FAAH2: variants seen among roughly 807,000 people sequenced by gnomAD.
FAAH2 encodes the protein fatty acid amide hydrolase 2.
Under a neutral mutation model 36.9 loss-of-function variants are expected in FAAH2, and 60 were observed. That is an observed-to-expected ratio of 1.63 (90% CI 1.32 to 2.02). FAAH2 has a LOEUF of 2.02. Ranked by LOEUF, FAAH2 falls within the 30% of genes most tolerant of loss-of-function variation. The pLI, the probability that FAAH2 is intolerant of heterozygous loss-of-function variation, is 0.00. For missense variants in FAAH2, 689 were observed against 397.5 expected (o/e 1.73, Z -6.23); for synonymous variants, 214 against 143.8 (o/e 1.49, Z -3.49).
rs778896764 is a variant in FAAH2 at position 57,464,438 on chromosome X, A to G, written c.1423+15720A>G. On this transcript the variant is annotated intron_variant, in intron 10 of 10. Coordinates refer to ENST00000374900, the MANE Select transcript of FAAH2 (RefSeq NM_174912.4). Reference sequence around the variant, plus strand: ...TAAAGAAAAATAAAAATAATTTTAAAAAGAAAGAAAACCTAGTAAATACTT... The same window carrying G: ...TAAAGAAAAATAAAAATAATTTTAAGAAGAAAGAAAACCTAGTAAATACTT... 7.3e-5 allele frequency among the ~76,000 whole-genome samples: 8 copies of G among 109,864 alleles called. No homozygotes were observed. The South Asian group carries it at 2.0e-3, about 27-fold the overall frequency.
At chrX:57,452,103 C>G in intron 10 of FAAH2, 1 of 729,938 alleles carries the variant, frequency 1.4e-6, no homozygotes, top group African/African-American at 2.3e-5. Context: ...TGGCCTTTCA[C>G]TGGCTTTCTC....
intron 2 of FAAH2, among the ~76,000 whole-genome samples, chrX:57,306,761 ACT>A (rs1238302442): frequency 1.1e-5 from 1 of 94,496 alleles, no homozygotes; most frequent in African/African-American, 3.8e-5. Flanking sequence ...ATATGTATAC[ACT>A]ATATATATAC....
At chrX:57,282,910 G>A (rs2051766974), upstream of FAAH2, among the ~76,000 whole-genome samples, 1 of 112,287 alleles carries the variant, frequency 8.9e-6, no homozygotes, top group African/African-American at 3.2e-5. Context: ...ACCTTGTGGT[G>A]AGCTCATCTT....
At chrX:57,277,345 T>G in the FAAH2 span, among the ~76,000 whole-genome samples, 3 of 111,951 alleles carry the variant, frequency 2.7e-5, no homozygotes, top group East Asian at 5.6e-4. Context: ...TCTCAATAGT[T>G]GCAGAAATGG....
At chrX:57,192,159 G>C in the FAAH2 span, among the ~76,000 whole-genome samples, 1 of 110,997 alleles carries the variant, frequency 9.0e-6, no homozygotes, top group Non-Finnish European at 1.9e-5. Flanking sequence ...ATGTTTTGTA[G>C]TTTGCATTGT....
At chrX:57,479,472 G>A (rs2057336984) in intron 10 of FAAH2, among the ~76,000 whole-genome samples, 1 of 111,208 alleles carries the variant, frequency 9.0e-6, no homozygotes, top group South Asian at 3.8e-4. Flanking sequence ...CTAATTGAAT[G>A]CCCTTTTTTT....
intron 2 of FAAH2, among the ~76,000 whole-genome samples, chrX:57,295,067 C>T (rs754652907): frequency 8.9e-6 from 1 of 111,896 alleles, no homozygotes; most frequent in South Asian, 3.8e-4. Context: ...AAAGGAAATG[C>T]CTGCAGAGCT....
chrX:57,486,919 G>A (rs2057484050), intron 10 of FAAH2, among the ~76,000 whole-genome samples: 1 of 111,575 alleles, frequency 9.0e-6, no homozygotes, highest in African/African-American at 3.3e-5. Context: ...TTTATGTGAC[G>A]GGGACTGGAA....
chrX:57,424,476 G>A (rs192000782), intron 7 of FAAH2, among the ~76,000 whole-genome samples: 1 of 111,971 alleles, frequency 8.9e-6, no homozygotes, highest in East Asian at 2.8e-4. Context: ...CAAGCTTGAG[G>A]TATAGAGAAA....
intron 5 of FAAH2, among the ~76,000 whole-genome samples, chrX:57,353,113 G>T (rs2054068009): frequency 9.1e-6 from 1 of 109,608 alleles, no homozygotes; most frequent in African/African-American, 3.3e-5. Flanking sequence ...AAATTTATAT[G>T]GAACCAAAAA....
intron 3 of FAAH2, among the ~76,000 whole-genome samples, chrX:57,329,364 C>T (rs2053327793): frequency 9.0e-6 from 1 of 111,159 alleles, no homozygotes; most frequent in Admixed American, 9.6e-5. Context: ...TGTGGGCCCT[C>T]TATGCATGTT....
Position 57,331,676 on chromosome X carries a change from A to C in FAAH2, c.491A>C (p.Lys164Thr). ...GATGCCACTGTGGTGGCATTACTGA[A>C]GGGAGCTGGTGCCATTCCTCTTGGC... ...KTDATVVALL[K>T]GAGAIPLGIT... The change falls in exon 4 of 11, where the codon AAG (lysine) becomes ACG (threonine). Residue 164 changes from lysine (K) to threonine (T), a missense_variant. Transcript: ENST00000374900. The C allele has an allele frequency of 8.3e-7, 1 of 1,211,629 alleles. No individual in the cohort carries two copies. The highest frequency in any genetic ancestry group is 1.1e-6 in the Non-Finnish European group (1 of 895,259).
Position 57,448,671 on chromosome X carries a change from C to A in FAAH2, c.1376C>A (p.Pro459His). Residue 459 changes from proline (P) to histidine (H), a missense_variant, in exon 10 of 11, where the codon CCT becomes CAT. Pro to His is a moderately conservative substitution (Grantham distance 77, BLOSUM62 -2). Transcript: ENST00000374900. ...TATCCCTCACATCCCACAGTGGCAC[C>A]TAAGCATCATGTCCCTCTAACACGG... ...FLYPSHPTVA[P>H]KHHVPLTRPF... 2 of 1,211,453 alleles carry A rather than the reference C, an allele frequency of 1.7e-6. No homozygotes were observed. Among genetic ancestry groups the A allele is most frequent in the South Asian group, 1.8e-5 (1 of 56,905 alleles).
At chrX:57,333,411 A>G (rs1234255578) in intron 4 of FAAH2, among the ~76,000 whole-genome samples, 1 of 111,777 alleles carries the variant, frequency 8.9e-6, no homozygotes, top group African/African-American at 3.2e-5. Context: ...CAGTTTGAAA[A>G]GAGAAAGCAA....
the FAAH2 span, among the ~76,000 whole-genome samples, chrX:57,256,673 A>G: frequency 8.9e-6 from 1 of 112,087 alleles, no homozygotes; most frequent in Non-Finnish European, 1.9e-5. Flanking sequence ...AGCTATGGCA[A>G]CAAAAGCCAA....
chrX:57,291,726 C>A (rs2051990877), intron 1 of FAAH2, among the ~76,000 whole-genome samples: 1 of 109,907 alleles, frequency 9.1e-6, no homozygotes, highest in Non-Finnish European at 1.9e-5. Context: ...TTGCAATTTT[C>A]TAATGTTTAT....
chrX:57,252,623 A>G, the FAAH2 span, among the ~76,000 whole-genome samples: 1 of 112,136 alleles, frequency 8.9e-6, no homozygotes, highest in Non-Finnish European at 1.9e-5. Flanking sequence ...ACCCAGGCAA[A>G]CAGGGTCTGG....
intron 7 of FAAH2, among the ~76,000 whole-genome samples, chrX:57,422,823 C>G (rs1306805297): frequency 1.8e-5 from 2 of 112,032 alleles, no homozygotes; most frequent in East Asian, 5.7e-4. Context: ...CTGAAAATAG[C>G]AAAATAGCAG....
chrX:57,177,466 TA>T, the FAAH2 span, among the ~76,000 whole-genome samples: 12 of 101,836 alleles, frequency 1.2e-4, no homozygotes, highest in Middle Eastern at 4.9e-3. Flanking sequence ...ATAATAATAA[TA>T]ATATATATAT....
Sources: allele counts gnomAD v4.1 joint callset (sites outside exome capture counted in the v4.1 genomes callset), GRCh38; gene constraint gnomAD v4.1.1; transcripts MANE v1.5; gene names NCBI Gene and HGNC (gene_info 2026-07-23, HGNC 2026-07-21).